Variants in CELF2 observed in about 807,000 individuals in gnomAD.
CELF2 encodes the protein CUG triplet repeat RNA-binding protein 2.
CELF2 carries 8 observed loss-of-function variants against 62.6 expected under a neutral mutation model. The ratio of observed to expected loss-of-function variants is 0.13; its 90% CI spans 0.07 to 0.23. The LOEUF (loss-of-function observed/expected upper bound fraction) is 0.23. Among genes scored for constraint, CELF2 ranks in the 10% least tolerant of loss-of-function variants. CELF2 has a pLI of 1.00. For synonymous variants in CELF2, 258 were observed against 250.0 expected (o/e 1.03, Z -0.30); for missense variants, 333 against 671.0 (o/e 0.50, Z 5.56).
chr10:10,978,485 G>A lies in CELF2; in HGVS notation c.89+58486G>A, dbSNP rs570884027. Among the ~76,000 whole-genome samples, 225 of 152,284 alleles carry A rather than the reference G, an allele frequency of 1.5e-3. 1 individual carries two copies. The highest frequency in any genetic ancestry group is 2.6e-3 in the Non-Finnish European group (179 of 68,032). The stretch of plus-strand genomic sequence containing the variant: ...GGCAAGAACAGATATAGCCCATGTA[G>A]TACTTAGGTCTCTGACGTGGTTTGT... On this transcript the variant is annotated intron_variant, in intron 2 of 13. Transcript: ENST00000636488.
chr10:10,955,369 T>G (rs2048779119), intron 2 of CELF2, among the ~76,000 whole-genome samples: 1 of 152,240 alleles, frequency 6.6e-6, no homozygotes, highest in South Asian at 2.1e-4. Context: ...CCTCTAGCTG[T>G]GCATCAGGGA....
At position 11,220,636 on chromosome 10, in the gene CELF2, T is replaced by A. The variant is rs976939226; in HGVS notation, c.354+3129T>A. Reference sequence around the variant, plus strand: ...ACCAAAGAAGACGCTCTGTTTTACATCCCCTGAAATTCTCAACATAAACCC... The same window carrying A: ...ACCAAAGAAGACGCTCTGTTTTACAACCCCTGAAATTCTCAACATAAACCC... On this transcript the variant is annotated intron_variant, in intron 3 of 12. Transcript: ENST00000633077. The surrounding 1 kb of genome is among the most constrained non-coding windows in gnomAD (Gnocchi z 4.4). Among the ~76,000 whole-genome samples, 4 of 152,148 alleles carry A rather than the reference T, an allele frequency of 2.6e-5. No homozygotes were observed. The highest frequency in any genetic ancestry group is 9.7e-5 in the African/African-American group (4 of 41,436).
Position 11,204,494 on chromosome 10 carries a change from C to T in CELF2, c.272-12931C>T, listed in dbSNP as rs544725063. Among the ~76,000 whole-genome samples the T allele has an allele frequency of 9.8e-5, 15 of 152,314 alleles. No homozygotes were observed. In the East Asian group the frequency reaches 2.9e-3, roughly 29 times the overall value. Reference sequence around the variant, plus strand: ...AAAATGCTCCGGTGAGAGTCAACCCCCTGAGTATACAGTAGGAACCTCCGG... The same window carrying T: ...AAAATGCTCCGGTGAGAGTCAACCCTCTGAGTATACAGTAGGAACCTCCGG... On this transcript the variant is annotated intron_variant, in intron 2 of 12. Coordinates refer to ENST00000633077, the MANE Select transcript of CELF2 (RefSeq NM_001326342.2).
chr10:11,205,790 A>G (rs927397943), intron 2 of CELF2, among the ~76,000 whole-genome samples: 3 of 152,250 alleles, frequency 2.0e-5, no homozygotes, highest in African/African-American at 7.2e-5. Flanking sequence ...TGATCTCCGT[A>G]CACATGAAAT....
At chr10:10,783,632 T>A in the CELF2 span, among the ~76,000 whole-genome samples, 1 of 152,214 alleles carries the variant, frequency 6.6e-6, no homozygotes, top group Non-Finnish European at 1.5e-5. Context: ...GCTCTGCAGT[T>A]GAAGTTCTAA....
chr10:10,760,361 G>A, the CELF2 span, among the ~76,000 whole-genome samples: 1 of 152,146 alleles, frequency 6.6e-6, no homozygotes, highest in Non-Finnish European at 1.5e-5. Context: ...GACCCAGACT[G>A]GCACCTGGAA....
chr10:11,093,896 T>G (rs184035130), intron 1 of CELF2, among the ~76,000 whole-genome samples: 22 of 152,230 alleles, frequency 1.4e-4, no homozygotes, highest in Admixed American at 5.2e-4. Flanking sequence ...TCAGAAGAAA[T>G]TAACTCTTCT....
chr10:10,626,296 G>A, the CELF2 span, among the ~76,000 whole-genome samples: 2 of 152,174 alleles, frequency 1.3e-5, no homozygotes, highest in Non-Finnish European at 2.9e-5. Flanking sequence ...AAAGGAAAGG[G>A]TTATTTTCAT....
the CELF2 span, among the ~76,000 whole-genome samples, chr10:10,672,627 G>C: frequency 6.6e-6 from 1 of 151,686 alleles, no homozygotes; most frequent in East Asian, 1.9e-4. Context: ...CCTATTTCTG[G>C]AATCTGTCTT....
At chr10:10,869,045 A>G (rs913670143) in intron 1 of CELF2, among the ~76,000 whole-genome samples, 4 of 152,180 alleles carry the variant, frequency 2.6e-5, no homozygotes, top group African/African-American at 4.8e-5. Flanking sequence ...GCATATGTCT[A>G]TTTCTATCTA....
intron 1 of CELF2, among the ~76,000 whole-genome samples, chr10:11,052,248 ACTT>A (rs1164920927): frequency 1.3e-5 from 2 of 152,144 alleles, no homozygotes; most frequent in African/African-American, 2.4e-5. Context: ...TGTTCTTAAT[ACTT>A]TCTTTTGCTA....
intron 1 of CELF2, among the ~76,000 whole-genome samples, chr10:11,057,046 G>A (rs1219495831): frequency 6.6e-6 from 1 of 152,294 alleles, no homozygotes; most frequent in African/African-American, 2.4e-5. Flanking sequence ...TGGAGGGGAG[G>A]CTGTGCTGGG....
At chr10:11,283,642 G>A (rs1490442633) in intron 8 of CELF2, among the ~76,000 whole-genome samples, 1 of 151,730 alleles carries the variant, frequency 6.6e-6, no homozygotes, top group African/African-American at 2.4e-5. Flanking sequence ...GTGGATGCAT[G>A]GTTGATGGAC....
Position 11,158,411 on chromosome 10 carries a change from G to A in CELF2, c.75-7075G>A, listed in dbSNP as rs575994745. 6.6e-5 allele frequency among the ~76,000 whole-genome samples: 10 copies of A among 152,200 alleles called. No individual in the cohort carries two copies. In the South Asian group the frequency reaches 2.1e-3, roughly 32 times the overall value. ...TCCTTGTGGTGATTGTTTCCCTGTT[G>A]CCATTTCTAAAAGTTCATCTAGAAC... On this transcript the variant is annotated intron_variant, in intron 1 of 12. Coordinates refer to ENST00000633077, the MANE Select transcript of CELF2 (RefSeq NM_001326342.2).
the CELF2 span, among the ~76,000 whole-genome samples, chr10:10,560,233 T>C: frequency 6.6e-6 from 1 of 152,194 alleles, no homozygotes; most frequent in Non-Finnish European, 1.5e-5. Context: ...TCCTCTTCCT[T>C]TTTCTTTCCC....
At chr10:10,832,266 T>TAA (rs201850858) in intron 1 of CELF2, among the ~76,000 whole-genome samples, 1 of 72,486 alleles carries the variant, frequency 1.4e-5, no homozygotes, top group Non-Finnish European at 2.5e-5. Flanking sequence ...AGACTCCATC[T>TAA]AAAAAAAAAA....
rs2066967660 is a variant in CELF2 at position 11,165,873 on chromosome 10, G to C, written c.271+191G>C. On this transcript the variant is annotated intron_variant, in intron 2 of 12. Coordinates refer to ENST00000633077, the MANE Select transcript of CELF2 (RefSeq NM_001326342.2). This position sits in a 1 kb window ranked among gnomAD's most constrained non-coding sequence, Gnocchi z 7.4. ...CGCACCCCCGCCCGCCTGCCCGCCG[G>C]GACAGGTTGGAGGCGGGAGAGAGGG... 1.3e-5 allele frequency among the ~76,000 whole-genome samples: 2 copies of C among 152,222 alleles called. No homozygotes were observed. The highest frequency in any genetic ancestry group is 2.9e-5 in the Non-Finnish European group (2 of 68,018).
chr10:11,119,867 C>CG (rs1554849785), intron 1 of CELF2, among the ~76,000 whole-genome samples: 2 of 127,806 alleles, frequency 1.6e-5, no homozygotes, highest in South Asian at 5.3e-4. Flanking sequence ...TTCCGCCTCC[C>CG]CCCCCCCGGC....
At chr10:10,768,936 G>A in the CELF2 span, among the ~76,000 whole-genome samples, 3 of 152,232 alleles carry the variant, frequency 2.0e-5, no homozygotes, top group East Asian at 5.8e-4. Flanking sequence ...GTCATTTGCA[G>A]TACTGGTAAT....
Sources: gnomAD v4.1 joint callset for allele counts (sites outside exome capture counted in the v4.1 genomes callset) on GRCh38, gnomAD v4.1.1 for gene constraint, Gnocchi (gnomAD v3.1) non-coding constraint, MANE v1.5 for transcripts, NCBI Gene and HGNC (gene_info 2026-07-23, HGNC 2026-07-21) for gene names.